Variants in PHACTR2 observed in about 807,000 individuals in gnomAD.
The protein encoded by PHACTR2 is chromosome 6 open reading frame 56.
PHACTR2 carries 30 observed loss-of-function variants against 76.0 expected under a neutral mutation model. That is an observed-to-expected ratio of 0.39 (90% CI 0.30 to 0.54). PHACTR2 has a LOEUF of 0.54. PHACTR2 is among the 20% of genes least tolerant of loss of function. The probability of loss-of-function intolerance (pLI) is 0.61; values close to 1 mark genes in which losing one functional copy is unlikely to be tolerated. For missense variants in PHACTR2, 696 were observed against 781.1 expected (o/e 0.89, Z 1.30); for synonymous variants, 292 against 292.5 (o/e 1.00, Z 0.02).
At position 143,811,850 on chromosome 6, in the gene PHACTR2, TC is replaced by T. The variant is rs1348561510; in HGVS notation, c.1922+4719del. ...TAATAAAAATAATACAAAAACATGA[TC>T]CAGTTTTACATTTAGCAAATTGTTC... On this transcript the variant is annotated intron_variant, in intron 12 of 12. Transcript: ENST00000440869. The surrounding 1 kb of genome is among the most constrained non-coding windows in gnomAD (Gnocchi z 4.1). 6.6e-6 allele frequency among the ~76,000 whole-genome samples: 1 copy of T among 152,180 alleles called. No homozygotes were observed. Among genetic ancestry groups the T allele is most frequent in the Non-Finnish European group, 1.5e-5 (1 of 68,020 alleles).
chr6:143,820,339 A>G lies in PHACTR2; in HGVS notation c.1923-3335A>G, dbSNP rs540800900. On this transcript the variant is annotated intron_variant, in intron 12 of 12. Coordinates refer to ENST00000440869, the MANE Select transcript of PHACTR2 (RefSeq NM_001100164.2). This position sits in a 1 kb window ranked among gnomAD's most constrained non-coding sequence, Gnocchi z 4.2. ...AAAAGTTCAAAATCTCATCTGAAAA[A>G]AGGCAAATCCTTTCCACCTATGATC... 6.6e-6 allele frequency among the ~76,000 whole-genome samples: 1 copy of G among 152,218 alleles called. No homozygotes were observed. Among genetic ancestry groups the G allele is most frequent in the Non-Finnish European group, 1.5e-5 (1 of 68,032 alleles).
chr6:143,566,948 C>G (rs1269611514), intron 1 of PHACTR2, among the ~76,000 whole-genome samples: 1 of 152,044 alleles, frequency 6.6e-6, no homozygotes, highest in Non-Finnish European at 1.5e-5. Context: ...ATGTTTGGAT[C>G]AGGATCCGAT....
At position 143,731,380 on chromosome 6, in the gene PHACTR2, C is replaced by G. The variant is rs538319252; in HGVS notation, c.215-17605C>G. Among the ~76,000 whole-genome samples, 7 of 152,092 alleles carry G rather than the reference C, an allele frequency of 4.6e-5. No individual in the cohort carries two copies. The highest frequency in any genetic ancestry group is 4.6e-4 in the Admixed American group (7 of 15,276). ...TTGGCTCACAGCAACCTCCGCCTCC[C>G]AGGTTCAAGTGATTCTCCTGCCTCA... On this transcript the variant is annotated intron_variant, in intron 2 of 12. Coordinates refer to ENST00000440869, the MANE Select transcript of PHACTR2 (RefSeq NM_001100164.2). The surrounding 1 kb of genome is among the most constrained non-coding windows in gnomAD (Gnocchi z 4.9).
chr6:143,791,750 G>A lies in PHACTR2; in HGVS notation c.1845+2840G>A, dbSNP rs1206555332. Among the ~76,000 whole-genome samples the A allele has an allele frequency of 1.3e-5, 2 of 151,698 alleles. No homozygotes were observed. The highest frequency in any genetic ancestry group is 2.9e-5 in the Non-Finnish European group (2 of 67,964). Reference sequence around the variant, plus strand: ...AATTTTGCTTCATTTATTGTGAGGTGTATCATTAGATATATATGTTTAGAA... The same window carrying A: ...AATTTTGCTTCATTTATTGTGAGGTATATCATTAGATATATATGTTTAGAA... On this transcript the variant is annotated intron_variant, in intron 11 of 12. Transcript: ENST00000440869. This position sits in a 1 kb window ranked among gnomAD's most constrained non-coding sequence, Gnocchi z 4.7.
At chr6:143,565,341 G>A (rs1419232366) in intron 1 of PHACTR2, among the ~76,000 whole-genome samples, 2 of 152,210 alleles carry the variant, frequency 1.3e-5, no homozygotes, top group East Asian at 1.9e-4. Flanking sequence ...GTGCCAGGCC[G>A]GGCGCGGTGG....
chr6:143,687,749 T>C (rs1777555794), intron 1 of PHACTR2, among the ~76,000 whole-genome samples: 1 of 152,146 alleles, frequency 6.6e-6, no homozygotes, highest in South Asian at 2.1e-4. Context: ...CTAAGGAAAT[T>C]TGGCTGCCAA....
At chr6:143,701,775 A>T (rs1400392298) in intron 1 of PHACTR2, among the ~76,000 whole-genome samples, 1 of 152,252 alleles carries the variant, frequency 6.6e-6, no homozygotes, top group South Asian at 2.1e-4. Context: ...TGAAAGAGGC[A>T]GTATTGATAA....
chr6:143,587,926 T>C (rs1775646561), intron 1 of PHACTR2, among the ~76,000 whole-genome samples: 1 of 151,970 alleles, frequency 6.6e-6, no homozygotes, highest in Non-Finnish European at 1.5e-5. Context: ...GGCAAAAGAA[T>C]TGCTTGAGTT....
upstream of PHACTR2, chr6:143,608,184 C>A: frequency 1.1e-6 from 1 of 915,328 alleles, no homozygotes; most frequent in Non-Finnish European, 1.8e-6. The surrounding 1 kb of genome is among the most constrained non-coding windows in gnomAD (Gnocchi z 4.6). Flanking sequence ...GCAGACAGTG[C>A]ATGAAGTATG....
chr6:143,676,103 T>G (rs1392438717), upstream of PHACTR2, among the ~76,000 whole-genome samples: 1 of 152,216 alleles, frequency 6.6e-6, no homozygotes, highest in Non-Finnish European at 1.5e-5. This position sits in a 1 kb window ranked among gnomAD's most constrained non-coding sequence, Gnocchi z 4.8. Context: ...CCTGCAGTTT[T>G]GGTTGACATG....
intron 1 of PHACTR2, among the ~76,000 whole-genome samples, chr6:143,584,960 C>T (rs1044579345): frequency 6.9e-6 from 1 of 145,476 alleles, no homozygotes; most frequent in Admixed American, 7.0e-5. Flanking sequence ...CCCCAAGACC[C>T]TGGCTGGTCC....
chr6:143,763,157 G>A (rs754502455), intron 5 of PHACTR2, among the ~76,000 whole-genome samples: 1 of 152,012 alleles, frequency 6.6e-6, no homozygotes, highest in Non-Finnish European at 1.5e-5. Flanking sequence ...TCAAGAGTTC[G>A]AGACCAGCCT....
At chr6:143,651,928 A>G (rs1776770127) in intron 1 of PHACTR2, among the ~76,000 whole-genome samples, 2 of 151,730 alleles carry the variant, frequency 1.3e-5, no homozygotes, top group South Asian at 4.1e-4. Flanking sequence ...TCACACAGAA[A>G]AGGCCATGTG....
intron 10 of PHACTR2, among the ~76,000 whole-genome samples, chr6:143,785,056 C>A (rs1380909041): frequency 6.6e-6 from 1 of 152,124 alleles, no homozygotes; most frequent in African/African-American, 2.4e-5. Context: ...CATGCCTTCC[C>A]AACAGTCCAC....
Position 143,748,965 on chromosome 6 carries a change from G to A in PHACTR2, c.215-20G>A. The stretch of plus-strand genomic sequence containing the variant: ...TTAAGGAATGACTTGATTCTTACTT[G>A]TGCTTGTTCTTTTTAAAAGTATTAG... On this transcript the variant is annotated intron_variant, in intron 2 of 12. Transcript: ENST00000440869. The A allele has an allele frequency of 7.9e-7, 1 of 1,265,802 alleles. No homozygotes were observed. The highest frequency in any genetic ancestry group is 1.1e-6 in the Non-Finnish European group (1 of 872,356). 78.4% of individuals were successfully genotyped at this position (1,265,802 alleles called of 1,614,324 possible).
In PHACTR2 at chr6:143,821,023, G is replaced by C. The variant is rs1386488765; in HGVS notation, c.1923-2651G>C. The stretch of plus-strand genomic sequence containing the variant: ...CTGAGCTGTATCTGGGGCCCTTTGC[G>C]CCAAGGCTGGAGCCAAAGTGGCTGG... On this transcript the variant is annotated intron_variant, in intron 12 of 12. Coordinates refer to ENST00000440869, the MANE Select transcript of PHACTR2 (RefSeq NM_001100164.2). This position sits in a 1 kb window ranked among gnomAD's most constrained non-coding sequence, Gnocchi z 5.2. Among the ~76,000 whole-genome samples, 2 of 152,222 alleles carry C rather than the reference G, an allele frequency of 1.3e-5. No individual in the cohort carries two copies. The highest frequency in any genetic ancestry group is 2.4e-5 in the African/African-American group (1 of 41,454).
rs182769430 is a variant in PHACTR2 at position 143,609,411 on chromosome 6, A to G, written c.13+1089A>G. Among the ~76,000 whole-genome samples, 8 of 151,864 alleles carry G rather than the reference A, an allele frequency of 5.3e-5. No homozygotes were observed. In the East Asian group the frequency reaches 1.5e-3, roughly 29 times the overall value. On this transcript the variant is annotated intron_variant, in intron 1 of 11. Transcript: ENST00000305766. Reference sequence around the variant, plus strand: ...TTGAAATAAAGTGGAACAGTATAATATCAGGGATGAAAATGTTAGGGTGGT... The same window carrying G: ...TTGAAATAAAGTGGAACAGTATAATGTCAGGGATGAAAATGTTAGGGTGGT...
At chr6:143,714,683 G>A (rs1286609341) in intron 2 of PHACTR2, among the ~76,000 whole-genome samples, 1 of 152,186 alleles carries the variant, frequency 6.6e-6, no homozygotes, top group Non-Finnish European at 1.5e-5. Flanking sequence ...TCTAGGGCAG[G>A]AGAATAGATC....
rs1368771304 is a variant in PHACTR2, at chr6:143,663,781, A to G, written c.14-48235A>G. On this transcript the variant is annotated intron_variant, in intron 1 of 11. Transcript: ENST00000305766. This position sits in a 1 kb window ranked among gnomAD's most constrained non-coding sequence, Gnocchi z 4.1. Reference sequence around the variant, plus strand: ...TGTTGATTTTTAATTTAATTACATTATGGTCAGAGATCAGGGATTACTTAA... The same window carrying G: ...TGTTGATTTTTAATTTAATTACATTGTGGTCAGAGATCAGGGATTACTTAA... Among the ~76,000 whole-genome samples, 1 of 152,074 alleles carries G rather than the reference A, an allele frequency of 6.6e-6. No individual in the cohort carries two copies. The highest frequency in any genetic ancestry group is 1.9e-4 in the East Asian group (1 of 5,190).
Sources: allele counts gnomAD v4.1 joint callset (sites outside exome capture counted in the v4.1 genomes callset), GRCh38; gene constraint gnomAD v4.1.1; non-coding constraint Gnocchi (gnomAD v3.1); transcripts MANE v1.5; gene names NCBI Gene and HGNC (gene_info 2026-07-23, HGNC 2026-07-21).